PPP2R5C: variants seen among roughly 807,000 people sequenced by gnomAD.
PPP2R5C encodes serine/threonine-protein phosphatase 2A 56 kDa regulatory subunit gamma isoform.
In PPP2R5C, 7 loss-of-function variants were observed where a neutral mutation model predicts 68.9. That is an observed-to-expected ratio of 0.10 (90% CI 0.06 to 0.19). The LOEUF is 0.19. Ranked by LOEUF, PPP2R5C falls within the 10% of genes least tolerant of loss-of-function variation. PPP2R5C has a pLI of 1.00. For missense variants in PPP2R5C, 348 were observed against 641.3 expected, an observed-to-expected ratio of 0.54 and a Z score of 4.94; for synonymous variants, 210 against 222.2, an observed-to-expected ratio of 0.95 and a Z score of 0.49.
chr14:101,838,473 C>G (rs932329199), intron 1 of PPP2R5C, among the ~76,000 whole-genome samples: 6 of 152,230 alleles, frequency 3.9e-5, no homozygotes, highest in Non-Finnish European at 8.8e-5. Flanking sequence ...AAATTTCACC[C>G]ATTTGTCAAT....
chr14:101,853,038 G>A (rs1214121093), intron 1 of PPP2R5C, among the ~76,000 whole-genome samples: 2 of 152,170 alleles, frequency 1.3e-5, no homozygotes, highest in Non-Finnish European at 2.9e-5. Context: ...GTAAAGGTAT[G>A]AAGCATATTC....
At chr14:101,809,868 C>CTT (rs879172241), upstream of PPP2R5C, 24 of 1,243,918 alleles carry the variant, frequency 1.9e-5, no homozygotes, top group Admixed American at 2.3e-5. Context: ...TTCAGTTTGT[C>CTT]TTTTTTTTTT....
intron 7 of PPP2R5C, among the ~76,000 whole-genome samples, chr14:101,893,538 G>A (rs1201386512): frequency 6.6e-6 from 1 of 152,202 alleles, no homozygotes; most frequent in African/African-American, 2.4e-5. Context: ...GATCACCTGA[G>A]GTTGGGAGTT....
intron 2 of PPP2R5C, among the ~76,000 whole-genome samples, chr14:101,869,943 C>T (rs138828018): frequency 6.6e-6 from 1 of 152,198 alleles, no homozygotes; most frequent in African/African-American, 2.4e-5. Flanking sequence ...TGAGCCACCA[C>T]ACCTGGCCCA....
At chr14:101,902,018 A>G (rs956106207) in intron 9 of PPP2R5C, 129 bp downstream of exon 11, 4 of 984,332 alleles carry the variant, frequency 4.1e-6, no homozygotes, top group Non-Finnish European at 5.9e-6. Context: ...TTTTACTTGA[A>G]TTATACTTCA....
upstream of PPP2R5C, among the ~76,000 whole-genome samples, chr14:101,808,366 A>T (rs565766032): frequency 6.6e-6 from 1 of 152,246 alleles, no homozygotes; most frequent in East Asian, 1.9e-4. Flanking sequence ...GTGCGTGCCC[A>T]CTGCCCACTT....
intron 2 of PPP2R5C, among the ~76,000 whole-genome samples, chr14:101,776,879 C>A (rs1046405754): frequency 3.3e-5 from 5 of 150,754 alleles, no homozygotes; most frequent in African/African-American, 7.4e-5. Flanking sequence ...ATACCTCATT[C>A]CCTTTTTTTT....
At chr14:101,816,886 TA>T (rs1254637549) in intron 1 of PPP2R5C, among the ~76,000 whole-genome samples, 1 of 129,486 alleles carries the variant, frequency 7.7e-6, no homozygotes, top group Non-Finnish European at 1.6e-5. Flanking sequence ...ATATATTATA[TA>T]TATATTATAT....
At chr14:101,828,884 G>A (rs1161524838) in intron 1 of PPP2R5C, among the ~76,000 whole-genome samples, 1 of 151,936 alleles carries the variant, frequency 6.6e-6, no homozygotes, top group Non-Finnish European at 1.5e-5. Flanking sequence ...TCATTATGCT[G>A]GCCAGGCTGT....
intron 13 of PPP2R5C, among the ~76,000 whole-genome samples, chr14:101,920,826 TG>T (rs1209285964): frequency 6.6e-6 from 1 of 151,374 alleles, no homozygotes; most frequent in Non-Finnish European, 1.5e-5. Flanking sequence ...AGTGCAGTGG[TG>T]TGATCACAGC....
intron 1 of PPP2R5C, chr14:101,820,357 C>T (rs1191737918): frequency 6.6e-6 from 1 of 152,174 alleles, no homozygotes; most frequent in Admixed American, 6.5e-5. Context: ...AGTGGGGTTT[C>T]TTGATGTATA....
At position 101,849,323 on chromosome 14, in the gene PPP2R5C, G is replaced by GC. The variant is rs2042015326; in HGVS notation, c.95-7359dup. ...TCCTCAACACCACTGATAATGCACT[G>GC]CCCCGCCCATGGGTGGTGTTCGGGC... is the stretch of plus-strand genomic sequence containing the variant. On this transcript the variant is annotated intron_variant, in intron 1 of 13. Transcript: ENST00000334743. Among the ~76,000 whole-genome samples, 5 of 152,250 alleles carry GC rather than the reference G, an allele frequency of 3.3e-5. No individual in the cohort carries two copies. In the South Asian group the frequency reaches 1.0e-3, roughly 32 times the overall value.
intron 1 of PPP2R5C, chr14:101,810,331 T>A (rs1298791325): frequency 3.1e-6 from 1 of 318,194 alleles, no homozygotes; most frequent in Non-Finnish European, 5.9e-6. Flanking sequence ...GGATGTGAAG[T>A]CACTGCCCAG....
intron 2 of PPP2R5C, among the ~76,000 whole-genome samples, chr14:101,871,487 C>T (rs908394895): frequency 5.3e-5 from 8 of 152,126 alleles, no homozygotes; most frequent in African/African-American, 1.7e-4. Flanking sequence ...TCGTGATCTG[C>T]CCTCCTCGGC....
chr14:101,875,860 T>C (rs2043737425), intron 2 of PPP2R5C, among the ~76,000 whole-genome samples: 1 of 152,240 alleles, frequency 6.6e-6, no homozygotes, highest in Non-Finnish European at 1.5e-5. Flanking sequence ...CCTCCGTTTT[T>C]TCGGGCATTC....
chr14:101,831,836 A>G (rs1450819566), intron 1 of PPP2R5C: 16 of 689,428 alleles, frequency 2.3e-5, no homozygotes, highest in Non-Finnish European at 4.0e-5. Flanking sequence ...GCAATCCCCA[A>G]CATGGACCAC....
chr14:101,822,407 TGA>T (rs1490572641), intron 1 of PPP2R5C, among the ~76,000 whole-genome samples: 1 of 152,212 alleles, frequency 6.6e-6, no homozygotes, highest in Non-Finnish European at 1.5e-5. Context: ...AAAACTTAAA[TGA>T]CTATCCAATG....
chr14:101,862,064 C>T (rs2042775908), intron 2 of PPP2R5C, among the ~76,000 whole-genome samples: 1 of 152,152 alleles, frequency 6.6e-6, no homozygotes. Flanking sequence ...AGGCTTGCAC[C>T]ACCATACCCA....
intron 1 of PPP2R5C, among the ~76,000 whole-genome samples, chr14:101,834,645 C>T (rs1178886464): frequency 1.3e-5 from 2 of 152,110 alleles, no homozygotes; most frequent in Non-Finnish European, 2.9e-5. Context: ...TGCTTAAAGC[C>T]CCAGGCCTGT....
Sources: allele counts gnomAD v4.1 joint callset (sites outside exome capture counted in the v4.1 genomes callset), GRCh38; gene constraint gnomAD v4.1.1; transcripts MANE v1.5; gene names NCBI Gene and HGNC (gene_info 2026-07-23, HGNC 2026-07-21).